OR4F5: variants seen among roughly 807,000 people sequenced by gnomAD.
OR4F5 encodes olfactory receptor 4F5.
Under a neutral mutation model 5.8 loss-of-function variants are expected in OR4F5, and 1 was observed. That is an observed-to-expected ratio of 0.17 (90% CI 0.06 to 0.82). OR4F5 has a LOEUF of 0.82. OR4F5 is among the 40% of genes least tolerant of loss of function. OR4F5 has a pLI of 0.72. For missense variants in OR4F5, 47 were observed against 175.5 expected (o/e 0.27, Z 4.14); for synonymous variants, 18 against 63.7 (o/e 0.28, Z 3.42).
intron 2 of OR4F5, among the ~76,000 whole-genome samples, chr1:66,226 T>TTA (rs1553122123): frequency 9.3e-5 from 2 of 21,542 alleles, no homozygotes; most frequent in Non-Finnish European, 3.1e-4. Context: ...ATAATATATA[T>TTA]TATATAATAT....
chr1:66,176 T>A (rs28552463), intron 2 of OR4F5, among the ~76,000 whole-genome samples: 5,336 of 91,128 alleles, frequency 0.059, 92 homozygotes, highest in African/African-American at 0.18. Context: ...ATATATATAT[T>A]ATATATACTA....
At chr1:68,476 A>G (rs1465249448) in intron 2 of OR4F5, among the ~76,000 whole-genome samples, 1 of 37,326 alleles carries the variant, frequency 2.7e-5, no homozygotes, top group East Asian at 4.3e-4. Flanking sequence ...AAAATCTCTT[A>G]CCAGTTTTAT....
intron 2 of OR4F5, among the ~76,000 whole-genome samples, chr1:66,488 AATATAAT>A: frequency 1.3e-5 from 1 of 78,762 alleles, no homozygotes; most frequent in Middle Eastern, 5.8e-3. Context: ...ATATTTATAG[AATATAAT>A]ATATATTTTA....
At chr1:66,254 ATATAATAT>A in intron 2 of OR4F5, among the ~76,000 whole-genome samples, 1 of 28,664 alleles carries the variant, frequency 3.5e-5, no homozygotes, top group East Asian at 5.9e-4. Context: ...ATTATATAAT[ATATAATAT>A]AAATATAATA....
chr1:66,336 T>A (rs867285388), intron 2 of OR4F5, among the ~76,000 whole-genome samples: 24 of 18,334 alleles, frequency 1.3e-3, no homozygotes, highest in African/African-American at 2.2e-3. Context: ...AATATATATT[T>A]TATTATATAA....
chr1:66,442 TATATA>T (rs1553122180), intron 2 of OR4F5, among the ~76,000 whole-genome samples: 3 of 25,984 alleles, frequency 1.2e-4, no homozygotes, highest in Non-Finnish European at 2.2e-4. Context: ...TATATTATAT[TATATA>T]ATATATATTT....
chr1:66,575 T>C (rs1254196455), intron 2 of OR4F5, among the ~76,000 whole-genome samples: 71 of 32,632 alleles, frequency 2.2e-3, no homozygotes, highest in Middle Eastern at 0.042. Flanking sequence ...AAAATATGTA[T>C]AATATATATT....
chr1:69,684 G>A lies in OR4F5; in HGVS notation c.657G>A (p.Val219=), dbSNP rs754031601. The change falls in exon 3 of 3, where the codon GTG becomes GTA. Residue 219 remains valine, a synonymous_variant. Transcript: ENST00000641515. ...TTATGGTCATTGCTAACAGTGGTGT[G>A]CTCACTGTGTGTTCTTTTGTTCTTC... is the stretch of plus-strand genomic sequence containing the variant. ...LDIMVIANSG[V]LTVCSFVLLI... The A allele has an allele frequency of 3.8e-6, 3 of 784,780 alleles. No individual in the cohort carries two copies. Among genetic ancestry groups the A allele is most frequent in the Non-Finnish European group, 5.9e-6 (3 of 507,538 alleles). The allele number at this position is 784,780 out of a possible 1,614,324, so 48.6% of individuals were successfully genotyped here.
chr1:66,465 TAA>T (rs1639946250), intron 2 of OR4F5, among the ~76,000 whole-genome samples: 1 of 47,286 alleles, frequency 2.1e-5, no homozygotes, highest in African/African-American at 6.4e-5. Context: ...TTTTATTATA[TAA>T]TATATATTAT....
intron 2 of OR4F5, among the ~76,000 whole-genome samples, chr1:67,330 A>C (rs1639957886): frequency 9.3e-6 from 1 of 107,992 alleles, no homozygotes; most frequent in African/African-American, 2.7e-5. Flanking sequence ...ATAGGACTTT[A>C]AAAACAGTAA....
At chr1:68,514 CT>C (rs1639967791) in intron 2 of OR4F5, among the ~76,000 whole-genome samples, 2 of 40,770 alleles carry the variant, frequency 4.9e-5, no homozygotes, top group African/African-American at 9.9e-5. Flanking sequence ...CACACTTTCT[CT>C]CATTTAAACT....
At chr1:66,507 T>A (rs12401368) in intron 2 of OR4F5, among the ~76,000 whole-genome samples, 22,048 of 65,092 alleles carry the variant, frequency 0.34, 1,926 homozygotes, top group East Asian at 0.58. Context: ...TATATTTTAT[T>A]ATATAATATA....
intron 2 of OR4F5, among the ~76,000 whole-genome samples, chr1:68,179 A>T (rs372636014): frequency 0.072 from 4,333 of 60,516 alleles, 112 homozygotes; most frequent in East Asian, 0.31. Flanking sequence ...CATAGTAGAT[A>T]ACCCAGGATT....
At chr1:66,608 T>A (rs1267783137) in intron 2 of OR4F5, among the ~76,000 whole-genome samples, 1 of 94,032 alleles carries the variant, frequency 1.1e-5, no homozygotes, top group Middle Eastern at 5.6e-3. Context: ...TTATATATTA[T>A]ATAAATATAT....
At chr1:66,826 A>G (rs1305824686) in intron 2 of OR4F5, among the ~76,000 whole-genome samples, 2 of 108,008 alleles carry the variant, frequency 1.9e-5, no homozygotes, top group East Asian at 2.0e-4. Flanking sequence ...AAAGTCAGAA[A>G]TGAGCTTTGA....
At chr1:66,612 AAT>A (rs1372045986) in intron 2 of OR4F5, among the ~76,000 whole-genome samples, 2 of 94,630 alleles carry the variant, frequency 2.1e-5, no homozygotes, top group East Asian at 2.2e-4. Flanking sequence ...ATATTATATA[AAT>A]ATATATATTA....
chr1:67,626 TA>T (rs1639960729), intron 2 of OR4F5, among the ~76,000 whole-genome samples: 1 of 111,670 alleles, frequency 9.0e-6, no homozygotes, highest in Admixed American at 9.0e-5. Flanking sequence ...GGACACCTTT[TA>T]TTTGTTACTT....
In OR4F5 at chr1:69,551, C is replaced by G. The variant is rs1253929898; in HGVS notation, c.524C>G (p.Ala175Gly). 9.8e-7 allele frequency: 1 copy of G among 1,017,254 alleles called. No homozygotes were observed. The highest frequency in any genetic ancestry group is 2.8e-5 in the Admixed American group (1 of 35,310). 63.0% of individuals were successfully genotyped at this position (1,017,254 alleles called of 1,614,324 possible). The stretch of plus-strand genomic sequence containing the variant: ...TTTCTCCATTCGGTGAGCCAGTTGG[C>G]GTTTGCCGTGCACTTACTCTTCTGT... ...IGFLHSVSQL[A>G]FAVHLLFCGP... Residue 175 changes from alanine (A) to glycine (G), a missense_variant, in exon 3 of 3, where the codon GCG (alanine) becomes GGG (glycine). By Grantham distance (60) the Ala-to-Gly change is moderately conservative (BLOSUM62 0). This residue lies in a region of OR4F5 where 40 missense variants were observed against 68.3 expected (regional missense o/e 0.59). Transcript: ENST00000641515.
Position 66,160 on chromosome 1 carries a change from T to TTA in OR4F5, c.9+601_9+602dup, listed in dbSNP as rs201684885. Among the ~76,000 whole-genome samples the TTA allele has an allele frequency of 1.2e-3, 113 of 98,036 alleles. 2 individuals are homozygous for TTA. The East Asian group carries it at 0.013, about 12-fold the overall frequency. 64.3% of individuals were successfully genotyped at this position (98,036 alleles called of 152,430 possible). On this transcript the variant is annotated intron_variant, in intron 2 of 2. Transcript: ENST00000641515. Reference sequence around the variant, plus strand: ...GACTTACTATAAGGACATAAGGCATTTATATATATATATATTATATATACT... The same window carrying TTA: ...GACTTACTATAAGGACATAAGGCATTTATATATATATATATATTATATATACT...
Sources: gnomAD v4.1 joint callset for allele counts (sites outside exome capture counted in the v4.1 genomes callset) on GRCh38, gnomAD v4.1.1 for gene constraint, gnomAD v4.1.1 regional missense constraint, MANE v1.5 for transcripts, NCBI Gene and HGNC (gene_info 2026-07-23, HGNC 2026-07-21) for gene names.